The following EPM2A variants were observed in gnomAD, a reference collection of about 807,000 sequenced individuals.
EPM2A encodes laforin.
In EPM2A, 21 loss-of-function variants were observed where a neutral mutation model predicts 26.5. The observed-to-expected ratio is 0.79, with a 90% confidence interval of 0.56 to 1.14. The LOEUF (loss-of-function observed/expected upper bound fraction) is 1.14. Among genes scored for constraint, EPM2A ranks in the 50% most tolerant of loss-of-function variants. The pLI is 0.00. For missense variants in EPM2A, 458 were observed against 440.8 expected (o/e 1.04, Z -0.35); for synonymous variants, 217 against 177.6 (o/e 1.22, Z -1.76).
At chr6:145,679,260 G>A (rs1050653934) in intron 2 of EPM2A, among the ~76,000 whole-genome samples, 1 of 151,570 alleles carries the variant, frequency 6.6e-6, no homozygotes, top group Non-Finnish European at 1.5e-5. Flanking sequence ...GGCCTGTCAG[G>A]GGGTGGGGTA....
chr6:145,534,211 C>G (rs1780400735), intron 2 of EPM2A, among the ~76,000 whole-genome samples: 1 of 152,090 alleles, frequency 6.6e-6, no homozygotes, highest in African/African-American at 2.4e-5. Context: ...GCAATAAGGG[C>G]ACAATTTAGG....
chr6:145,557,192 CACTTTCTG>C (rs1488079153), intron 2 of EPM2A, among the ~76,000 whole-genome samples: 1 of 152,060 alleles, frequency 6.6e-6, no homozygotes, highest in Non-Finnish European at 1.5e-5. Flanking sequence ...CTTCTCAATT[CACTTTCTG>C]ACAGAAGTTC....
intron 2 of EPM2A, among the ~76,000 whole-genome samples, chr6:145,587,129 A>G (rs9390338): frequency 0.43 from 65,207 of 151,942 alleles, 14,550 homozygotes; most frequent in African/African-American, 0.52. Context: ...TGTCACCTAG[A>G]CTGTTACAAT....
chr6:145,407,121 A>C (rs1008316337), intron 4 of EPM2A, among the ~76,000 whole-genome samples: 2 of 152,028 alleles, frequency 1.3e-5, no homozygotes, highest in Non-Finnish European at 2.9e-5. Flanking sequence ...TGTCTTTGGC[A>C]GTAAAGTTTT....
chr6:145,577,339 G>GA (rs34119873), intron 2 of EPM2A, among the ~76,000 whole-genome samples: 22 of 143,658 alleles, frequency 1.5e-4, no homozygotes, highest in Middle Eastern at 3.6e-3. Flanking sequence ...TGAAGGAATG[G>GA]AAAAAAAAAA....
intron 1 of EPM2A, chr6:145,705,946 G>T (rs1298808542): frequency 2.2e-6 from 1 of 456,712 alleles, no homozygotes; most frequent in Non-Finnish European, 4.4e-6. Flanking sequence ...AAAGAGATCA[G>T]ATCTCTCTGT....
At chr6:145,592,903 G>A (rs1009954226) in intron 2 of EPM2A, among the ~76,000 whole-genome samples, 6 of 152,018 alleles carry the variant, frequency 3.9e-5, no homozygotes, top group African/African-American at 4.8e-5. Flanking sequence ...TAAATAACAA[G>A]CTGTAATAAA....
At chr6:145,553,720 C>T (rs1207741508) in intron 2 of EPM2A, among the ~76,000 whole-genome samples, 1 of 151,502 alleles carries the variant, frequency 6.6e-6, no homozygotes, top group Admixed American at 6.6e-5. Flanking sequence ...CTTTTTTCAG[C>T]TGTTAAGAAG....
Position 145,680,711 on chromosome 6 carries a change from G to A in EPM2A, c.476+5411C>T, listed in dbSNP as rs573498079. ...CAAGCTTCATCCATGTCCCTACAAAGGACATGAACTCATCATTTTTTATGG... is the reference window on the plus strand; with the variant it reads ...CAAGCTTCATCCATGTCCCTACAAAAGACATGAACTCATCATTTTTTATGG... On this transcript the variant is annotated intron_variant, in intron 2 of 3. Coordinates refer to ENST00000367519, the MANE Select transcript of EPM2A (RefSeq NM_005670.4). Among the ~76,000 whole-genome samples, 5 of 152,240 alleles carry A rather than the reference G, an allele frequency of 3.3e-5. No homozygotes were observed. In the East Asian group the frequency reaches 9.6e-4, roughly 29 times the overall value.
At chr6:145,735,157 G>C in intron 1 of EPM2A, 41 bp downstream of exon 1, 5 of 1,426,966 alleles carry the variant, frequency 3.5e-6, no homozygotes, top group Non-Finnish European at 3.7e-6. Flanking sequence ...GCGGGCCGGA[G>C]CTCCCGCTCT....
intron 2 of EPM2A, among the ~76,000 whole-genome samples, chr6:145,551,777 G>C (rs1780658663): frequency 6.6e-6 from 1 of 151,242 alleles, no homozygotes; most frequent in African/African-American, 2.4e-5. Flanking sequence ...AAAATCCAAA[G>C]GATTCACACG....
chr6:145,498,421 A>T (rs902052153), downstream of EPM2A, among the ~76,000 whole-genome samples: 2 of 152,168 alleles, frequency 1.3e-5, no homozygotes, highest in Non-Finnish European at 2.9e-5. Flanking sequence ...GAGCCAGAGT[A>T]TGTAAAGCTC....
intron 2 of EPM2A, among the ~76,000 whole-genome samples, chr6:145,681,365 T>G (rs1277136705): frequency 6.6e-6 from 1 of 151,462 alleles, no homozygotes; most frequent in Admixed American, 6.6e-5. Context: ...TGATGGTAGT[T>G]TCTTTTGCTG....
At chr6:145,410,080 T>G (rs1397210521) in intron 4 of EPM2A, among the ~76,000 whole-genome samples, 1 of 152,196 alleles carries the variant, frequency 6.6e-6, no homozygotes, top group Non-Finnish European at 1.5e-5. Context: ...GGAGCCTTCT[T>G]GGATGCTGGC....
At chr6:145,616,705 G>C (rs556654585) in intron 2 of EPM2A, among the ~76,000 whole-genome samples, 56 of 152,352 alleles carry the variant, frequency 3.7e-4, no homozygotes, top group African/African-American at 1.3e-3. Context: ...TCTTGCATCA[G>C]CGTGACCTGG....
intron 1 of EPM2A, chr6:145,721,026 G>A (rs1467151270): frequency 6.6e-6 from 1 of 152,216 alleles, no homozygotes; most frequent in Non-Finnish European, 1.5e-5. Flanking sequence ...AGCTGGCCAT[G>A]GTGAAACATG....
chr6:145,725,903 A>G (rs1367675717), intron 1 of EPM2A, among the ~76,000 whole-genome samples: 3 of 152,048 alleles, frequency 2.0e-5, no homozygotes, highest in African/African-American at 7.2e-5. Flanking sequence ...TATATTTCCC[A>G]TATATATACA....
chr6:145,587,540 C>T lies in EPM2A; in HGVS notation c.340+47705G>A, dbSNP rs147403150. On this transcript the variant is annotated intron_variant, in intron 2 of 3. Coordinates refer to the EPM2A transcript ENST00000450221. ...CTGTGTTTATTCTCCTGCTGTGATC[C>T]ATTAGTAAACAGCTGTTCCTTGACT... 2.0e-3 allele frequency among the ~76,000 whole-genome samples: 308 copies of T among 152,272 alleles called. 6 individuals are homozygous for T. The highest frequency in any genetic ancestry group is 0.014 in the East Asian group (71 of 5,182).
intron 2 of EPM2A, among the ~76,000 whole-genome samples, chr6:145,542,465 TA>T (rs144290197): frequency 6.6e-6 from 1 of 152,180 alleles, no homozygotes; most frequent in Non-Finnish European, 1.5e-5. Context: ...AGGGGCAGCT[TA>T]AAAAACATAT....
Sources: gnomAD v4.1 joint callset for allele counts (sites outside exome capture counted in the v4.1 genomes callset) on GRCh38, gnomAD v4.1.1 for gene constraint, MANE v1.5 for transcripts, NCBI Gene and HGNC (gene_info 2026-07-23, HGNC 2026-07-21) for gene names.